Variants in NF1 observed in about 807,000 individuals in gnomAD.
NF1 encodes the protein neurofibromin 1.
A neutral mutation model predicts 325.7 loss-of-function variants in NF1; 122 were observed. The observed-to-expected ratio is 0.37, with a 90% confidence interval of 0.32 to 0.44. NF1 has a LOEUF of 0.44. Among genes scored for constraint, NF1 ranks in the 20% least tolerant of loss-of-function variants. The probability of loss-of-function intolerance (pLI) is 1.00; values close to 1 mark genes in which losing one functional copy is unlikely to be tolerated. For missense variants in NF1, 2,140 were observed against 3,415.4 expected (o/e 0.63, Z 9.31); for synonymous variants, 1,091 against 1,186.0 (o/e 0.92, Z 1.65).
chr17:31,320,581 T>C (rs1450204558), intron 36 of NF1: 8 of 607,636 alleles, frequency 1.3e-5, no homozygotes, highest in Non-Finnish European at 2.0e-5. Context: ...AAGTAGCATG[T>C]AATAAACAAT....
intron 1 of NF1, among the ~76,000 whole-genome samples, chr17:31,123,076 G>A (rs1914572298): frequency 6.6e-6 from 1 of 152,142 alleles, no homozygotes; most frequent in Non-Finnish European, 1.5e-5. Context: ...TAAAACTAGC[G>A]CATAGAATCT....
chr17:31,280,913 G>T (rs1215192501), intron 36 of NF1, among the ~76,000 whole-genome samples: 1 of 150,844 alleles, frequency 6.6e-6, no homozygotes, highest in Non-Finnish European at 1.5e-5. Context: ...TTTCTTAAAG[G>T]AAAGTTTATA....
intron 52 of NF1, 126 bp from the exon 53 acceptor site, chr17:31,356,834 G>T: frequency 7.2e-7 from 1 of 1,388,922 alleles, no homozygotes; most frequent in Non-Finnish European, 1.0e-6. Context: ...AATTCTCTAT[G>T]ATGTTTATGT....
At chr17:31,133,937 A>G (rs1209342070) in intron 1 of NF1, among the ~76,000 whole-genome samples, 1 of 152,220 alleles carries the variant, frequency 6.6e-6, no homozygotes, top group African/African-American at 2.4e-5. Flanking sequence ...GATTACAGGC[A>G]TGAGCCACTG....
chr17:31,297,845 C>T (rs903006095), intron 36 of NF1, among the ~76,000 whole-genome samples: 4 of 152,140 alleles, frequency 2.6e-5, no homozygotes, highest in South Asian at 2.1e-4. Flanking sequence ...TACTGAAATA[C>T]GATTATTTTT....
chr17:31,299,635 T>A (rs1451953283), intron 36 of NF1: 1 of 152,122 alleles, frequency 6.6e-6, no homozygotes, highest in African/African-American at 2.4e-5. Context: ...GAGAGTCAGA[T>A]ATTGTTTATT....
chr17:31,120,425 G>C (rs1262444663), intron 1 of NF1, among the ~76,000 whole-genome samples: 1 of 152,084 alleles, frequency 6.6e-6, no homozygotes, highest in Non-Finnish European at 1.5e-5. Context: ...TTGGTGTATA[G>C]GAATGCTTGT....
At chr17:31,278,903 C>T (rs2151483109) in intron 36 of NF1, among the ~76,000 whole-genome samples, 1 of 152,270 alleles carries the variant, frequency 6.6e-6, no homozygotes, top group Admixed American at 6.5e-5. Context: ...GCGTGAGCCG[C>T]CGCGCCTGGC....
At chr17:31,204,458 A>G (rs1274823074) in intron 11 of NF1, among the ~76,000 whole-genome samples, 3 of 152,098 alleles carry the variant, frequency 2.0e-5, no homozygotes, top group Non-Finnish European at 2.9e-5. Context: ...ACTTTAATTG[A>G]CTGGTGTTCA....
At chr17:31,314,095 C>A (rs1390558883) in intron 36 of NF1, 1 of 397,700 alleles carries the variant, frequency 2.5e-6, no homozygotes, top group Admixed American at 4.4e-5. Context: ...GTTCCTCTAG[C>A]AAACTGAAAT....
intron 1 of NF1, among the ~76,000 whole-genome samples, chr17:31,096,137 C>T (rs1185153075): frequency 6.6e-6 from 1 of 151,386 alleles, no homozygotes; most frequent in Admixed American, 6.6e-5. Flanking sequence ...CTCTTCCCCC[C>T]CCCCTTTTTT....
At chr17:31,334,715 C>G (rs1371721338) in intron 39 of NF1, 123 bp from the exon 40 acceptor site, 1 of 750,474 alleles carries the variant, frequency 1.3e-6, no homozygotes, top group South Asian at 1.6e-5. Flanking sequence ...TGTCTTTTCT[C>G]CAGGCCTGAT....
chr17:31,305,735 T>C, intron 36 of NF1: 1 of 912,596 alleles, frequency 1.1e-6, no homozygotes, highest in Non-Finnish European at 1.6e-6. Context: ...AGGTAGACAT[T>C]ATTCCTAATT....
chr17:31,179,229 C>G (rs2066081034), intron 5 of NF1, among the ~76,000 whole-genome samples: 1 of 152,210 alleles, frequency 6.6e-6, no homozygotes, highest in Non-Finnish European at 1.5e-5. Context: ...CACACAACTA[C>G]ATGGAAACTG....
chr17:31,255,144 A>T (rs2067560708), intron 31 of NF1, among the ~76,000 whole-genome samples: 1 of 152,194 alleles, frequency 6.6e-6, no homozygotes, highest in Admixed American at 6.5e-5. Context: ...TGCCTAACTC[A>T]GGGAGAATGC....
chr17:31,235,286 A>G (rs1408323886), intron 27 of NF1, among the ~76,000 whole-genome samples: 2 of 152,204 alleles, frequency 1.3e-5, no homozygotes, highest in Non-Finnish European at 2.9e-5. Flanking sequence ...CTTTGCTGTC[A>G]TCTTCTGTTT....
intron 5 of NF1, among the ~76,000 whole-genome samples, chr17:31,170,574 A>G (rs922913042): frequency 6.6e-6 from 1 of 152,230 alleles, no homozygotes; most frequent in South Asian, 2.1e-4. Context: ...ACATGGGGAT[A>G]TTATAACACC....
intron 48 of NF1, among the ~76,000 whole-genome samples, chr17:31,346,758 T>G (rs2069995638): frequency 6.6e-6 from 1 of 152,066 alleles, no homozygotes; most frequent in Non-Finnish European, 1.5e-5. Context: ...TAACTCCTTT[T>G]CTACATCCAC....
intron 4 of NF1, among the ~76,000 whole-genome samples, chr17:31,168,876 A>G (rs538589888): frequency 7.2e-5 from 11 of 152,154 alleles, no homozygotes; most frequent in Non-Finnish European, 1.6e-4. Context: ...AACGTTTTCT[A>G]TTCTGTCATT....
Sources: gnomAD v4.1 joint callset for allele counts (sites outside exome capture counted in the v4.1 genomes callset) on GRCh38, gnomAD v4.1.1 for gene constraint, MANE v1.5 for transcripts, NCBI Gene and HGNC (gene_info 2026-07-23, HGNC 2026-07-21) for gene names.